The following KIF9 variants were observed in gnomAD, a reference collection of about 807,000 sequenced individuals.
KIF9 encodes the protein kinesin family member 9, also known as kinesin-like protein KIF9.
KIF9 carries 68 observed loss-of-function variants against 94.8 expected under a neutral mutation model. That is an observed-to-expected ratio of 0.72 (90% CI 0.59 to 0.88). KIF9 has a LOEUF of 0.88. Among genes scored for constraint, KIF9 ranks in the 40% least tolerant of loss-of-function variants. The pLI is 0.00. For missense variants in KIF9, 882 were observed against 982.5 expected, an observed-to-expected ratio of 0.90 and a Z score of 1.37; for synonymous variants, 343 against 362.1, an observed-to-expected ratio of 0.95 and a Z score of 0.60.
In KIF9 at chr3:47,241,014, GC is replaced by G; in HGVS notation, c.1710del (p.Arg570SerfsTer34). 2 of 1,613,980 alleles carry G rather than the reference GC, an allele frequency of 1.2e-6. No homozygotes were observed. The highest frequency in any genetic ancestry group is 8.5e-7 in the Non-Finnish European group (1 of 1,179,904). On this transcript the variant is annotated frameshift_variant and splice_region_variant, in exon 17 of 21. Coordinates refer to ENST00000684063, the MANE Select transcript of KIF9 (RefSeq NM_182902.4). LOFTEE classifies it high-confidence loss of function. Reference protein sequence around the residue: ...DSPKEELRPIRPDTPPSKPVA... With the variant: ...DSPKEELRPIXPDTPPSKPVA... ...ACTGGTTTGGAGGGTGGGGTGTCGG[GC>G]CTTGAGATGAAAAGGTGAGACCAAA...
At chr3:47,256,730 G>T (rs551287695) in intron 10 of KIF9, among the ~76,000 whole-genome samples, 3 of 152,206 alleles carry the variant, frequency 2.0e-5, no homozygotes, top group Non-Finnish European at 4.4e-5. Flanking sequence ...GGATTGAGAA[G>T]TCGGATGGTT....
intron 1 of KIF9, among the ~76,000 whole-genome samples, chr3:47,279,623 T>TA (rs1702199551): frequency 6.8e-6 from 1 of 147,318 alleles, no homozygotes; most frequent in African/African-American, 2.5e-5. Context: ...TTTTATTTTA[T>TA]TTTTTTTTTT....
intron 10 of KIF9, among the ~76,000 whole-genome samples, chr3:47,251,948 G>C (rs748783175): frequency 6.6e-6 from 1 of 152,198 alleles, no homozygotes; most frequent in African/African-American, 2.4e-5. Flanking sequence ...GAGGTTGAGA[G>C]GGTCTGAGCA....
rs754027751 is a variant in KIF9, at chr3:47,239,921, AGAAGACAGTAAGACTGAGCCAGG to A, written c.1924+857_1924+879del. ...TAACCTGTGGTGTTTCCTGTCTGGA[AGAAGACAGTAAGACTGAGCCAGG>A]AGTGTGAAGAACAGTGTGGCCTCTG... On this transcript the variant is annotated intron_variant, in intron 17 of 20. Coordinates refer to ENST00000684063, the MANE Select transcript of KIF9 (RefSeq NM_182902.4). The A allele has an allele frequency of 6.1e-5, 84 of 1,367,882 alleles. No individual in the cohort carries two copies. In the South Asian group the frequency reaches 8.6e-4, roughly 14 times the overall value. The allele number at this position is 1,367,882 out of a possible 1,614,324, so 84.7% of individuals were successfully genotyped here.
intron 12 of KIF9, 21 bp downstream of exon 12, chr3:47,247,351 TG>T: frequency 2.6e-6 from 4 of 1,543,096 alleles, no homozygotes; most frequent in Non-Finnish European, 3.6e-6. Context: ...CTGAGCATAG[TG>T]GTCACAGAGG....
chr3:47,271,379 A>T lies in KIF9; in HGVS notation c.449T>A (p.Phe150Tyr), dbSNP rs1701637183. Residue 150 changes from phenylalanine to tyrosine, a missense_variant, in exon 5 of 21, where the codon TTT (phenylalanine) becomes TAT (tyrosine). Transcript: ENST00000684063. Reference sequence around the variant, plus strand: ...ATAGGGCAGAGTGGACAGGAGATCAAACAGGCTCTCATTATAGATTTCCAA... The same window carrying T: ...ATAGGGCAGAGTGGACAGGAGATCATACAGGCTCTCATTATAGATTTCCAA... ...SYLEIYNESLFDLLSTLPYVG... is the reference protein window; with the variant it reads ...SYLEIYNESLYDLLSTLPYVG... 1.9e-6 allele frequency: 3 copies of T among 1,613,966 alleles called. No individual in the cohort carries two copies. The highest frequency in any genetic ancestry group is 3.3e-5 in the Admixed American group (2 of 59,990).
intron 10 of KIF9, among the ~76,000 whole-genome samples, chr3:47,253,965 T>C (rs1472582007): frequency 1.3e-5 from 2 of 152,224 alleles, no homozygotes; most frequent in African/African-American, 4.8e-5. Context: ...AGAATGTCTC[T>C]AGACTATATA....
rs1699693086 is a variant in KIF9 at position 47,243,176 on chromosome 3, G to A, written c.1584C>T (p.Ser528=). Residue 528 remains serine, a synonymous_variant, in exon 16 of 21, where the codon TCC becomes TCT. Coordinates refer to ENST00000684063, the MANE Select transcript of KIF9 (RefSeq NM_182902.4). ...NGKDLDYVST[S]KTQLVPSSKD... Reference sequence around the variant, plus strand: ...TGGAGGATGGGACCAGCTGGGTCTTGGAGGTGGAAACGTAATCCAAGTCCT... The same window carrying A: ...TGGAGGATGGGACCAGCTGGGTCTTAGAGGTGGAAACGTAATCCAAGTCCT... The A allele has an allele frequency of 6.2e-7, 1 of 1,613,666 alleles. No individual in the cohort carries two copies. Among genetic ancestry groups the A allele is most frequent in the Non-Finnish European group, 8.5e-7 (1 of 1,179,776 alleles).
At chr3:47,235,478 C>T (rs2276854) in intron 20 of KIF9, 35 bp downstream of exon 20, 840,815 of 1,432,956 alleles carry the variant, frequency 0.59, 248,030 homozygotes, top group Non-Finnish European at 0.6. Context: ...TCACTGAGGC[C>T]CCCATCCTCC....
intron 10 of KIF9, among the ~76,000 whole-genome samples, chr3:47,256,170 C>G (rs1281528818): frequency 1.3e-5 from 2 of 152,262 alleles, no homozygotes; most frequent in Non-Finnish European, 2.9e-5. Flanking sequence ...GCAGCCTCTG[C>G]TTGGCCGCCA....
At chr3:47,269,511 A>C (rs1325237320) in intron 5 of KIF9, among the ~76,000 whole-genome samples, 1 of 152,090 alleles carries the variant, frequency 6.6e-6, no homozygotes, top group African/African-American at 2.4e-5. Flanking sequence ...TGAACTCATG[A>C]GCTCAAGTGA....
intron 8 of KIF9, among the ~76,000 whole-genome samples, 187 bp from the exon 9 acceptor site, chr3:47,264,537 A>T (rs1701177455): frequency 6.6e-6 from 1 of 152,172 alleles, no homozygotes; most frequent in Non-Finnish European, 1.5e-5. Context: ...CCTGGGCTCA[A>T]GTGATCCTCT....
intron 1 of KIF9, among the ~76,000 whole-genome samples, chr3:47,278,065 A>T (rs531081290): frequency 1.3e-5 from 2 of 152,026 alleles, no homozygotes; most frequent in East Asian, 3.9e-4. Context: ...GACATAGGAC[A>T]TATATACATA....
intron 4 of KIF9, among the ~76,000 whole-genome samples, chr3:47,272,619 T>C (rs1314508448): frequency 1.3e-5 from 2 of 152,186 alleles, no homozygotes; most frequent in East Asian, 1.9e-4. Flanking sequence ...TAAGTTTATA[T>C]TGATTACATG....
chr3:47,282,712 G>C lies in KIF9; in HGVS notation c.-223C>G, dbSNP rs1424867341. On this transcript the variant is annotated 5_prime_UTR_variant, in exon 1 of 21. In the 5' UTR this introduces an upstream ATG that the reference lacks. Transcript: ENST00000684063. ...AATCGGGAAGACGAGAGATGGGGCC[G>C]ATTGATCTAGAAAGACTTCGGCGGA... is the stretch of plus-strand genomic sequence containing the variant. The C allele has an allele frequency of 3.6e-6, 5 of 1,384,074 alleles. No individual in the cohort carries two copies. The East Asian group carries it at 1.4e-4, about 38-fold the overall frequency. 85.7% of individuals were successfully genotyped at this position (1,384,074 alleles called of 1,614,324 possible).
chr3:47,269,922 A>G (rs1435621260), intron 5 of KIF9, among the ~76,000 whole-genome samples: 1 of 151,742 alleles, frequency 6.6e-6, no homozygotes, highest in African/African-American at 2.4e-5. Flanking sequence ...AGTTAGCGCC[A>G]CCACATCCAG....
intron 10 of KIF9, among the ~76,000 whole-genome samples, chr3:47,254,412 C>A (rs925467237): frequency 1.3e-5 from 2 of 152,058 alleles, no homozygotes; most frequent in African/African-American, 4.8e-5. Context: ...GAGCTGAGAT[C>A]GCACCACTGC....
intron 15 of KIF9, chr3:47,243,509 C>A (rs1394205584): frequency 6.3e-6 from 2 of 318,670 alleles, no homozygotes; most frequent in Non-Finnish European, 5.8e-6. Context: ...AAAATGGGTA[C>A]AATCTCCAGG....
Position 47,228,634 on chromosome 3 carries a change from G to A in KIF9, c.*18C>T, listed in dbSNP as rs950289595. On this transcript the variant is annotated 3_prime_UTR_variant, in exon 21 of 21. Coordinates refer to ENST00000684063, the MANE Select transcript of KIF9 (RefSeq NM_182902.4). ...GGGAGTTGCTGGTCTTGTCCTTTAA[G>A]GTACTGGCGATGAGGTTCTATTTTC... is the stretch of plus-strand genomic sequence containing the variant. 4 of 1,609,630 alleles carry A rather than the reference G, an allele frequency of 2.5e-6. No homozygotes were observed. Among genetic ancestry groups the A allele is most frequent in the Non-Finnish European group, 3.4e-6 (4 of 1,175,956 alleles).
Sources: allele counts gnomAD v4.1 joint callset (sites outside exome capture counted in the v4.1 genomes callset), GRCh38; gene constraint gnomAD v4.1.1; transcripts MANE v1.5; gene names NCBI Gene and HGNC (gene_info 2026-07-23, HGNC 2026-07-21).